PITPNC1: variants seen among roughly 807,000 people sequenced by gnomAD.
PITPNC1 encodes phosphatidylinositol transfer protein cytoplasmic 1.
PITPNC1 carries 18 observed loss-of-function variants against 44.7 expected under a neutral mutation model. That is an observed-to-expected ratio of 0.40 (90% CI 0.28 to 0.60). The LOEUF is 0.60. Ranked by LOEUF, PITPNC1 falls within the 20% of genes least tolerant of loss-of-function variation. The pLI is 0.39. For missense variants in PITPNC1, 290 were observed against 418.4 expected (o/e 0.69, Z 2.68); for synonymous variants, 141 against 149.6 (o/e 0.94, Z 0.42).
chr17:67,594,325 C>A (rs1407197696), intron 5 of PITPNC1, among the ~76,000 whole-genome samples: 1 of 152,164 alleles, frequency 6.6e-6, no homozygotes, highest in Non-Finnish European at 1.5e-5. Flanking sequence ...AGTTATACCT[C>A]ATGGGAACCA....
intron 1 of PITPNC1, among the ~76,000 whole-genome samples, chr17:67,385,304 A>C (rs989316246): frequency 5.3e-5 from 8 of 152,216 alleles, no homozygotes; most frequent in Non-Finnish European, 8.8e-5. Context: ...AGCACTCTGC[A>C]AAAACGCACC....
intron 5 of PITPNC1, among the ~76,000 whole-genome samples, chr17:67,579,916 G>A (rs1167714276): frequency 6.7e-6 from 1 of 150,176 alleles, no homozygotes; most frequent in East Asian, 2.0e-4. Context: ...CTCCAGCCTG[G>A]CAACAGAGCG....
At chr17:67,401,163 G>A (rs2038303440) in intron 1 of PITPNC1, among the ~76,000 whole-genome samples, 1 of 152,166 alleles carries the variant, frequency 6.6e-6, no homozygotes, top group Non-Finnish European at 1.5e-5. Context: ...TCAAACTCCT[G>A]ACCTCAAGTG....
chr17:67,667,895 G>T (rs1032240902), intron 6 of PITPNC1, among the ~76,000 whole-genome samples: 8 of 152,094 alleles, frequency 5.3e-5, no homozygotes, highest in Non-Finnish European at 1.0e-4. Context: ...CAGGAGAATT[G>T]CTTGAACTCA....
At position 67,695,535 on chromosome 17, in the gene PITPNC1, C is replaced by G. The variant is rs1178698635; in HGVS notation, c.*2647C>G. ...AAGCATGTTTGGGGGGAAATAGAAT[C>G]CTTAACTCAGTGCCTCTGTCTGCGA... On this transcript the variant is annotated 3_prime_UTR_variant, in exon 9 of 9. Coordinates refer to ENST00000581322, the MANE Select transcript of PITPNC1 (RefSeq NM_012417.4). The G allele has an allele frequency of 6.6e-6, 1 of 150,664 alleles. No individual in the cohort carries two copies. Among genetic ancestry groups the G allele is most frequent in the Admixed American group, 6.6e-5 (1 of 15,062 alleles). 9.3% of individuals were successfully genotyped at this position (150,664 alleles called of 1,614,324 possible). A position where few individuals can be genotyped will look rare whatever the true frequency, so the allele number is the denominator to read the frequency against.
chr17:67,649,186 C>T (rs1011146346), intron 6 of PITPNC1, among the ~76,000 whole-genome samples: 15 of 152,240 alleles, frequency 9.9e-5, no homozygotes, highest in African/African-American at 3.1e-4. Flanking sequence ...TTTGCTGAGC[C>T]GGGAACTTGC....
intron 5 of PITPNC1, among the ~76,000 whole-genome samples, chr17:67,609,308 G>A (rs1286104116): frequency 3.2e-5 from 2 of 61,916 alleles, no homozygotes; most frequent in African/African-American, 1.2e-4. Context: ...TTTTTTTTTT[G>A]AGACAGAGTC....
At chr17:67,509,671 G>C (rs1227404159) in intron 1 of PITPNC1, among the ~76,000 whole-genome samples, 1 of 152,014 alleles carries the variant, frequency 6.6e-6, no homozygotes, top group East Asian at 1.9e-4. Context: ...CTGATCAGAA[G>C]AAAAAAATGC....
At chr17:67,381,498 C>T (rs1380549403) in intron 1 of PITPNC1, among the ~76,000 whole-genome samples, 4 of 148,294 alleles carry the variant, frequency 2.7e-5, no homozygotes, top group Non-Finnish European at 3.0e-5. Flanking sequence ...ACGGAATCTC[C>T]CTCTGTCTCC....
intron 5 of PITPNC1, among the ~76,000 whole-genome samples, chr17:67,617,988 T>C (rs1011039512): frequency 1.3e-5 from 2 of 152,228 alleles, no homozygotes; most frequent in Non-Finnish European, 2.9e-5. Context: ...TATAGGAGTA[T>C]TGATGCCTCT....
chr17:67,532,806 A>G lies in PITPNC1; in HGVS notation c.53A>G (p.Lys18Arg), dbSNP rs1324110967. 1.3e-6 allele frequency: 2 copies of G among 1,561,740 alleles called. No homozygotes were observed. Among genetic ancestry groups the G allele is most frequent in the Non-Finnish European group, 8.7e-7 (1 of 1,152,888 alleles). Reference sequence around the variant, plus strand: ...GTCTCTGACTCTGTTTTGTAGTACAAAATTGGACAGCTGTACATGATCAGC... The same window carrying G: ...GTCTCTGACTCTGTTTTGTAGTACAGAATTGGACAGCTGTACATGATCAGC... Reference protein sequence around the residue: ...ICMPLTVDEYKIGQLYMISKH... With the variant: ...ICMPLTVDEYRIGQLYMISKH... The change falls in exon 2 of 9, where the codon AAA becomes AGA. Residue 18 changes from lysine to arginine, a missense_variant. Lys to Arg is a conservative substitution (Grantham distance 26). Coordinates refer to ENST00000581322, the MANE Select transcript of PITPNC1 (RefSeq NM_012417.4).
chr17:67,455,180 C>T (rs979233726), intron 1 of PITPNC1, among the ~76,000 whole-genome samples: 9 of 152,110 alleles, frequency 5.9e-5, no homozygotes, highest in Non-Finnish European at 1.0e-4. Flanking sequence ...GTATCTTTTT[C>T]ACCTATTAAT....
intron 5 of PITPNC1, among the ~76,000 whole-genome samples, 166 bp downstream of exon 5, chr17:67,578,423 T>C (rs886280765): frequency 2.0e-5 from 3 of 152,212 alleles, no homozygotes; most frequent in African/African-American, 7.2e-5. Context: ...GACTTTTCCC[T>C]GGAATTCTTT....
At chr17:67,633,282 A>G (rs1000980398) in intron 6 of PITPNC1, among the ~76,000 whole-genome samples, 1 of 152,220 alleles carries the variant, frequency 6.6e-6, no homozygotes, top group African/African-American at 2.4e-5. Context: ...CTCTTCTCCC[A>G]GAGTCATCAA....
chr17:67,640,167 C>A (rs1457809963), intron 6 of PITPNC1, among the ~76,000 whole-genome samples: 1 of 151,946 alleles, frequency 6.6e-6, no homozygotes, highest in African/African-American at 2.4e-5. Context: ...CTTACTGGGG[C>A]CTGCATGCTT....
intron 1 of PITPNC1, among the ~76,000 whole-genome samples, chr17:67,459,416 C>T (rs115595534): frequency 0.019 from 2,850 of 152,236 alleles, 112 homozygotes; most frequent in African/African-American, 0.064. Flanking sequence ...CCGTGCCCAG[C>T]CTCTTTGGGG....
At position 67,661,021 on chromosome 17, in the gene PITPNC1, G is replaced by A. The variant is rs547816005; in HGVS notation, c.463-8487G>A. ...CTACAGGCGCCCGCCACCACGCCCAGCTAATTTTTTTTTTTTTTTTTTGTA... is the reference window on the plus strand; with the variant it reads ...CTACAGGCGCCCGCCACCACGCCCAACTAATTTTTTTTTTTTTTTTTTGTA... On this transcript the variant is annotated intron_variant, in intron 6 of 8. Transcript: ENST00000581322. 4.2e-5 allele frequency among the ~76,000 whole-genome samples: 6 copies of A among 141,800 alleles called. No individual in the cohort carries two copies. The East Asian group carries it at 1.2e-3, about 29-fold the overall frequency. The allele number at this position is 141,800 out of a possible 152,430, so 93.0% of individuals were successfully genotyped here.
chr17:67,639,125 A>AAAAAG (rs1045768155), intron 6 of PITPNC1, among the ~76,000 whole-genome samples: 8 of 152,220 alleles, frequency 5.3e-5, no homozygotes, highest in Non-Finnish European at 8.8e-5. Context: ...CCTGTCTCTA[A>AAAAAG]AAAAGAAAAG....
intron 6 of PITPNC1, among the ~76,000 whole-genome samples, chr17:67,659,114 GAACA>G (rs1296866302): frequency 2.6e-5 from 4 of 152,268 alleles, no homozygotes; most frequent in Admixed American, 6.5e-5. Context: ...CTCTGGGAAA[GAACA>G]AAGCAGCATT....
Sources: gnomAD v4.1 joint callset for allele counts (sites outside exome capture counted in the v4.1 genomes callset) on GRCh38, gnomAD v4.1.1 for gene constraint, MANE v1.5 for transcripts, NCBI Gene and HGNC (gene_info 2026-07-23, HGNC 2026-07-21) for gene names.